Variants in AFF2 observed in about 807,000 individuals in gnomAD.
The protein encoded by AFF2 is AF4/FMR2 family member 2.
A neutral mutation model predicts 76.9 loss-of-function variants in AFF2; 14 were observed. The ratio of observed to expected loss-of-function variants is 0.18; its 90% confidence interval spans 0.12 to 0.28. The LOEUF (loss-of-function observed/expected upper bound fraction) is 0.28. AFF2 is among the 10% of genes least tolerant of loss of function. The pLI is 1.00. For missense variants in AFF2, 868 were observed against 1,001.1 expected (o/e 0.87, Z 1.79); for synonymous variants, 398 against 366.7 (o/e 1.09, Z -0.98).
chrX:148,828,084 A>G (rs972393321), intron 4 of AFF2, among the ~76,000 whole-genome samples: 1 of 112,111 alleles, frequency 8.9e-6, no homozygotes, highest in Non-Finnish European at 1.9e-5. Flanking sequence ...ATCTCAAATC[A>G]GTATATTTTA....
chrX:148,762,420 T>TATATATATATATATATATAC (rs1225408056), intron 3 of AFF2, among the ~76,000 whole-genome samples: 25 of 101,128 alleles, frequency 2.5e-4, no homozygotes, highest in Middle Eastern at 4.8e-3. Context: ...TATATATATA[T>TATATATATATATATATATAC]ACACATGCAC....
At chrX:148,768,622 A>G (rs2069548995) in intron 3 of AFF2, among the ~76,000 whole-genome samples, 2 of 112,143 alleles carry the variant, frequency 1.8e-5, no homozygotes, top group Non-Finnish European at 3.8e-5. Flanking sequence ...CAGTTTGAGA[A>G]GAATAATAGC....
chrX:148,926,343 C>T (rs2124280414), intron 9 of AFF2, among the ~76,000 whole-genome samples: 1 of 112,139 alleles, frequency 8.9e-6, no homozygotes, highest in South Asian at 3.7e-4. Context: ...GACCTAAACA[C>T]ATCAAAGCCT....
intron 1 of AFF2, among the ~76,000 whole-genome samples, chrX:148,516,098 G>A (rs2052531612): frequency 9.0e-6 from 1 of 111,176 alleles, no homozygotes; most frequent in African/African-American, 3.3e-5. Context: ...TTCAGTTCAC[G>A]TCAGCCCTCC....
intron 1 of AFF2, among the ~76,000 whole-genome samples, chrX:148,568,869 T>C (rs1342541856): frequency 9.0e-6 from 1 of 111,193 alleles, no homozygotes; most frequent in Non-Finnish European, 1.9e-5. Flanking sequence ...ACACAAGACA[T>C]AAGGGGAGTG....
chrX:148,934,188 G>A (rs2071746403), intron 9 of AFF2, among the ~76,000 whole-genome samples: 1 of 112,292 alleles, frequency 8.9e-6, no homozygotes, highest in Admixed American at 9.4e-5. Flanking sequence ...AAAATAGCTG[G>A]GTGTTTTAAA....
intron 3 of AFF2, among the ~76,000 whole-genome samples, chrX:148,780,128 A>C (rs782046402): frequency 5.3e-5 from 6 of 112,454 alleles, no homozygotes; most frequent in African/African-American, 1.9e-4. Context: ...TGTTAATCGA[A>C]TAGGCTTCCC....
chrX:148,958,495 G>C (rs2072069517), intron 12 of AFF2, 37 bp downstream of exon 12: 2 of 1,187,622 alleles, frequency 1.7e-6, no homozygotes, highest in African/African-American at 3.6e-5. Flanking sequence ...GGCTTGGTAT[G>C]ATTGTTCAGA....
At chrX:148,552,074 G>T (rs2061591065) in intron 1 of AFF2, among the ~76,000 whole-genome samples, 1 of 112,746 alleles carries the variant, frequency 8.9e-6, no homozygotes. Flanking sequence ...TCTCCTGGGA[G>T]AGGAAAACTA....
rs182503557 is a variant in AFF2 at position 148,896,654 on chromosome X, T to C, written c.1360-7567T>C. 1.9e-3 allele frequency among the ~76,000 whole-genome samples: 216 copies of C among 111,205 alleles called. 1 individual carries two copies. The highest frequency in any genetic ancestry group is 0.017 in the Admixed American group (178 of 10,451). The stretch of plus-strand genomic sequence containing the variant: ...TTTTTTTCTGATAAAACATATTATA[T>C]TGTCCCTTCCAGCCAGAGCAGAAGT... On this transcript the variant is annotated intron_variant, in intron 8 of 20. Coordinates refer to ENST00000370460, the MANE Select transcript of AFF2 (RefSeq NM_002025.4).
chrX:148,615,864 C>T (rs1173819949), intron 1 of AFF2, among the ~76,000 whole-genome samples: 1 of 111,375 alleles, frequency 9.0e-6, no homozygotes, highest in Non-Finnish European at 1.9e-5. Context: ...AATAATTCAC[C>T]CAATCATGGA....
rs782544229 is a variant in AFF2, at chrX:148,790,694, G to T, written c.1042-19182G>T. ...CACTCACTGGGGCCTGTTGGGGGTG[G>T]GGTTGGGGGAGGGAGACCATTAGGA... On this transcript the variant is annotated intron_variant, in intron 3 of 20. Transcript: ENST00000370460. Among the ~76,000 whole-genome samples, 9 of 109,653 alleles carry T rather than the reference G, an allele frequency of 8.2e-5. No individual in the cohort carries two copies. The East Asian group carries it at 2.0e-3, about 25-fold the overall frequency.
intron 3 of AFF2, among the ~76,000 whole-genome samples, chrX:148,682,290 A>T (rs1323986964): frequency 8.9e-6 from 1 of 112,165 alleles, no homozygotes. Context: ...CCAAAATAAA[A>T]TGAGTAATTA....
rs1392595009 is a variant in AFF2 at position 148,993,752 on chromosome X, A to C, written c.*2420A>C. 2.7e-5 allele frequency: 3 copies of C among 111,917 alleles called. No individual in the cohort carries two copies. The highest frequency in any genetic ancestry group is 5.6e-5 in the Non-Finnish European group (3 of 53,212). 9.2% of individuals were successfully genotyped at this position (111,917 alleles called of 1,213,427 possible). On this transcript the variant is annotated 3_prime_UTR_variant, in exon 21 of 21. Coordinates refer to ENST00000370460, the MANE Select transcript of AFF2 (RefSeq NM_002025.4). ...TGCCAAGTCTGCAGCACAGTGACCA[A>C]ATCTGACAATCGAGCTCTGGATCAC...
At chrX:148,502,190 A>G (rs2052361573) in intron 1 of AFF2, among the ~76,000 whole-genome samples, 2 of 112,339 alleles carry the variant, frequency 1.8e-5, no homozygotes, top group African/African-American at 6.5e-5. Context: ...TAACCGCTTA[A>G]AATTGCATTC....
chrX:148,824,060 C>CCTCT (rs60032031), intron 4 of AFF2, among the ~76,000 whole-genome samples: 62,630 of 96,002 alleles, frequency 0.65, 18,666 homozygotes, highest in East Asian at 0.91. Context: ...ATATTTGCTT[C>CCTCT]CTCTCTCTCT....
chrX:148,823,393 C>T (rs1043535744), intron 4 of AFF2, among the ~76,000 whole-genome samples: 14 of 111,792 alleles, frequency 1.3e-4, no homozygotes, highest in African/African-American at 4.6e-4. Context: ...TACAGAAACA[C>T]CAACCACATG....
chrX:148,871,356 G>T (rs953872440), intron 7 of AFF2, among the ~76,000 whole-genome samples: 2 of 111,056 alleles, frequency 1.8e-5, no homozygotes, highest in East Asian at 5.7e-4. Flanking sequence ...TGAAGGACCC[G>T]GCCTTGCGTA....
At position 148,992,842 on chromosome X, in the gene AFF2, G is replaced by T. The variant is rs1226810672; in HGVS notation, c.*1510G>T. ...TACACTTGGGGTAAACACTATCCATGCATTACTTACTGGTAATTACCTGCT... is the reference window on the plus strand; with the variant it reads ...TACACTTGGGGTAAACACTATCCATTCATTACTTACTGGTAATTACCTGCT... On this transcript the variant is annotated 3_prime_UTR_variant, in exon 21 of 21. Transcript: ENST00000370460. 8.9e-6 allele frequency: 1 copy of T among 112,573 alleles called. No homozygotes were observed. The highest frequency in any genetic ancestry group is 1.9e-5 in the Non-Finnish European group (1 of 53,262). 9.3% of individuals were successfully genotyped at this position (112,573 alleles called of 1,213,427 possible).
Sources: gnomAD v4.1 joint callset for allele counts (sites outside exome capture counted in the v4.1 genomes callset) on GRCh38, gnomAD v4.1.1 for gene constraint, MANE v1.5 for transcripts, NCBI Gene and HGNC (gene_info 2026-07-23, HGNC 2026-07-21) for gene names.